The following ZNRF3 variants were observed in gnomAD, a reference collection of about 807,000 sequenced individuals.
ZNRF3 encodes zinc and ring finger 3.
Under a neutral mutation model 72.5 loss-of-function variants are expected in ZNRF3, and 23 were observed. The ratio of observed to expected loss-of-function variants is 0.32; its 90% CI spans 0.23 to 0.45. The LOEUF (loss-of-function observed/expected upper bound fraction) is 0.45. ZNRF3 is among the 20% of genes least tolerant of loss of function. The probability of loss-of-function intolerance (pLI) is 1.00; values close to 1 mark genes in which losing one functional copy is unlikely to be tolerated. For missense variants in ZNRF3, 1,169 were observed against 1,272.1 expected (o/e 0.92, Z 1.23); for synonymous variants, 610 against 545.3 (o/e 1.12, Z -1.65).
intron 1 of ZNRF3, among the ~76,000 whole-genome samples, chr22:28,924,030 G>A (rs1016831242): frequency 1.3e-5 from 2 of 152,268 alleles, no homozygotes; most frequent in African/African-American, 4.8e-5. Flanking sequence ...AAGGCGCCGC[G>A]CACCGGGGTG....
chr22:29,010,046 A>G (rs186893383), intron 2 of ZNRF3, among the ~76,000 whole-genome samples: 179 of 151,762 alleles, frequency 1.2e-3, no homozygotes, highest in African/African-American at 4.1e-3. Flanking sequence ...AGCTGGGACT[A>G]CAGGCATCTG....
intron 2 of ZNRF3, among the ~76,000 whole-genome samples, chr22:28,990,749 T>G (rs1156474361): frequency 6.6e-6 from 1 of 152,124 alleles, no homozygotes; most frequent in Non-Finnish European, 1.5e-5. Context: ...GAGTCTATGT[T>G]TATGTCCCGG....
chr22:28,958,004 G>A (rs189431003), intron 1 of ZNRF3, among the ~76,000 whole-genome samples: 26 of 151,928 alleles, frequency 1.7e-4, no homozygotes, highest in Middle Eastern at 6.8e-3. Context: ...TGGCTAACAC[G>A]GTGAAACCCC....
At chr22:29,020,053 G>C (rs1601672594) in intron 2 of ZNRF3, among the ~76,000 whole-genome samples, 1 of 151,134 alleles carries the variant, frequency 6.6e-6, no homozygotes, top group South Asian at 2.1e-4. Flanking sequence ...AGATGCTCAA[G>C]TACCTTATAT....
chr22:28,922,652 C>T (rs2034530251), intron 1 of ZNRF3, among the ~76,000 whole-genome samples: 2 of 152,134 alleles, frequency 1.3e-5, no homozygotes, highest in South Asian at 2.1e-4. Context: ...TTTGTTTTCC[C>T]TTCTCCATCC....
Position 29,050,340 on chromosome 22 carries a change from C to A in ZNRF3, c.2159C>A (p.Pro720Gln), listed in dbSNP as rs1415836727. 1.0e-5 allele frequency: 16 copies of A among 1,602,396 alleles called. No homozygotes were observed. The highest frequency in any genetic ancestry group is 1.4e-5 in the Non-Finnish European group (16 of 1,177,058). The change falls in exon 8 of 9, where the codon CCA (proline) becomes CAA (glutamine). Residue 720 changes from proline to glutamine, a missense_variant. Pro to Gln is a moderately conservative substitution (Grantham distance 76, BLOSUM62 -1). Around this residue, in one of 2 missense-constraint regions of ZNRF3, gnomAD observed 783 missense variants for 731.4 expected, o/e 1.07. Coordinates refer to ENST00000544604, the MANE Select transcript of ZNRF3 (RefSeq NM_001206998.2). ...CACCCEPQPS[P>Q]AGPSAGAAGS... ...TGCTGCTGCGAGCCCCAGCCCTCCC[C>A]AGCCGGGCCTAGCGCCGGAGCAGCT...
chr22:29,001,503 G>A (rs1184563887), intron 2 of ZNRF3, among the ~76,000 whole-genome samples: 76 of 118,690 alleles, frequency 6.4e-4, no homozygotes, highest in East Asian at 1.8e-3. Context: ...ATGGAGTCTC[G>A]CTCTGTTGCC....
At chr22:29,015,757 C>T (rs2036419650) in intron 2 of ZNRF3, among the ~76,000 whole-genome samples, 1 of 151,940 alleles carries the variant, frequency 6.6e-6, no homozygotes, top group Admixed American at 6.6e-5. Context: ...ATGGCTTAAC[C>T]CTGTAATCCC....
intron 1 of ZNRF3, among the ~76,000 whole-genome samples, chr22:28,929,109 T>G (rs2034660064): frequency 6.6e-6 from 1 of 152,176 alleles, no homozygotes; most frequent in Non-Finnish European, 1.5e-5. Flanking sequence ...TAAGCACAAA[T>G]TGTGGTCTTT....
At position 29,049,450 on chromosome 22, in the gene ZNRF3, C is replaced by G; in HGVS notation, c.1269C>G (p.His423Gln). 1 of 1,605,718 alleles carries G rather than the reference C, an allele frequency of 6.2e-7. No individual in the cohort carries two copies. The highest frequency in any genetic ancestry group is 8.5e-7 in the Non-Finnish European group (1 of 1,179,684). ...ACATCCGCAGCTACCCACCCCTCCA[C>G]CTGGACCACAGCCTGGCCGCTCACC... The part of the protein sequence containing the change: ...PAYIRSYPPL[H>Q]LDHSLAAHRC... Residue 423 changes from histidine to glutamine, a missense_variant, in exon 8 of 9, where the codon CAC (histidine) becomes CAG (glutamine). Physicochemically the swap from His to Gln is conservative, Grantham distance 24 (BLOSUM62 0). Around this residue, in one of 2 missense-constraint regions of ZNRF3, gnomAD observed 783 missense variants for 731.4 expected, o/e 1.07. Transcript: ENST00000544604. This position sits in a 1 kb window ranked among gnomAD's most constrained non-coding sequence, Gnocchi z 5.2.
rs147715253 is a variant in ZNRF3, at chr22:29,020,508, G to A, written c.427-21987G>A. On this transcript the variant is annotated intron_variant, in intron 2 of 8. Coordinates refer to ENST00000544604, the MANE Select transcript of ZNRF3 (RefSeq NM_001206998.2). Reference sequence around the variant, plus strand: ...ACTCCTAGACTCAGGCAATCCATCCGCCTCGGACTCCCAAAGTGGTAGGAT... The same window carrying A: ...ACTCCTAGACTCAGGCAATCCATCCACCTCGGACTCCCAAAGTGGTAGGAT... 1.0e-3 allele frequency among the ~76,000 whole-genome samples: 154 copies of A among 151,824 alleles called. 1 individual carries two copies. Among genetic ancestry groups the A allele is most frequent in the African/African-American group, 3.6e-3 (147 of 41,370 alleles).
intron 1 of ZNRF3, among the ~76,000 whole-genome samples, chr22:28,925,141 A>G (rs1164251005): frequency 1.3e-5 from 2 of 152,212 alleles, no homozygotes; most frequent in Non-Finnish European, 2.9e-5. Flanking sequence ...TCTTGCTGAC[A>G]GATAGATGAA....
chr22:28,983,310 G>GCCTGACAGCCCCACGGGAC (rs147273717), intron 1 of ZNRF3, among the ~76,000 whole-genome samples: 1 of 152,010 alleles, frequency 6.6e-6, no homozygotes, highest in Non-Finnish European at 1.5e-5. Flanking sequence ...CAGGGCACCA[G>GCCTGACAGCCCCACGGGAC]CCTGACAGCC....
chr22:29,054,086 C>A lies in ZNRF3; in HGVS notation c.*464C>A, dbSNP rs763547028. 6.6e-6 allele frequency: 1 copy of A among 152,592 alleles called. No homozygotes were observed. Among genetic ancestry groups the A allele is most frequent in the Non-Finnish European group, 1.5e-5 (1 of 68,388 alleles). 9.5% of individuals were successfully genotyped at this position (152,592 alleles called of 1,614,324 possible). ...GTTGTCTCCCTGAAGGGAGCTCAGGCCTTTGAAAAGCTCAGGGCTTCACCT... is the reference window on the plus strand; with the variant it reads ...GTTGTCTCCCTGAAGGGAGCTCAGGACTTTGAAAAGCTCAGGGCTTCACCT... On this transcript the variant is annotated 3_prime_UTR_variant, in exon 9 of 9. Coordinates refer to ENST00000544604, the MANE Select transcript of ZNRF3 (RefSeq NM_001206998.2).
chr22:28,899,544 A>G (rs1420623743), intron 1 of ZNRF3, among the ~76,000 whole-genome samples: 2 of 152,170 alleles, frequency 1.3e-5, no homozygotes, highest in African/African-American at 4.8e-5. Flanking sequence ...CTGAAACAGC[A>G]ATGGGATGGG....
chr22:29,003,388 C>T (rs1031708291), intron 2 of ZNRF3, among the ~76,000 whole-genome samples: 6 of 151,784 alleles, frequency 4.0e-5, no homozygotes, highest in South Asian at 2.1e-4. Context: ...GGCGTGGTGG[C>T]GGGCGCCTGT....
In ZNRF3 at chr22:29,050,477, T is replaced by C. The variant is rs2037180417; in HGVS notation, c.2296T>C (p.Leu766=). 1 of 1,612,498 alleles carries C rather than the reference T, an allele frequency of 6.2e-7. No individual in the cohort carries two copies. Among genetic ancestry groups the C allele is most frequent in the African/African-American group, 1.3e-5 (1 of 74,928 alleles). ...CTTGTACGGCCTTCACCCCGACCATTTGCCCAGGACAGATGGGGTGAAATA... is the reference window on the plus strand; with the variant it reads ...CTTGTACGGCCTTCACCCCGACCATCTGCCCAGGACAGATGGGGTGAAATA... ...QGLYGLHPDH[L]PRTDGVKYEG... The change falls in exon 8 of 9, where the codon TTG becomes CTG. Residue 766 remains leucine (L), a synonymous_variant. Transcript: ENST00000544604.
intron 1 of ZNRF3, among the ~76,000 whole-genome samples, chr22:28,931,904 A>G (rs953499623): frequency 6.6e-6 from 1 of 152,236 alleles, no homozygotes; most frequent in Admixed American, 6.5e-5. Flanking sequence ...ACTTTGGTCA[A>G]ATGGCAAAAT....
chr22:29,010,088 T>G (rs4616575), intron 2 of ZNRF3, among the ~76,000 whole-genome samples: 67,392 of 151,416 alleles, frequency 0.45, 15,400 homozygotes, highest in Non-Finnish European at 0.5. Context: ...TTTTTGTATT[T>G]TTAGTAGAGA....
Sources: gnomAD v4.1 joint callset for allele counts (sites outside exome capture counted in the v4.1 genomes callset) on GRCh38, gnomAD v4.1.1 for gene constraint, gnomAD v4.1.1 regional missense constraint, Gnocchi (gnomAD v3.1) non-coding constraint, MANE v1.5 for transcripts, NCBI Gene and HGNC (gene_info 2026-07-23, HGNC 2026-07-21) for gene names.